Variants in CSMD1 observed in about 807,000 individuals in gnomAD.
CSMD1 encodes the protein CUB and sushi domain-containing protein 1.
In CSMD1, 213 loss-of-function variants were observed where a neutral mutation model predicts 417.5. The ratio of observed to expected loss-of-function variants is 0.51; its 90% CI spans 0.46 to 0.57. The LOEUF is 0.57. Ranked by LOEUF, CSMD1 falls within the 20% of genes least tolerant of loss-of-function variation. The pLI is 0.00. For synonymous variants in CSMD1, 2,862 were observed against 1,736.8 expected (o/e 1.65, Z -16.11); for missense variants, 6,923 against 4,529.7 (o/e 1.53, Z -15.17).
At chr8:4,264,212 CAATT>C (rs537378262) in intron 3 of CSMD1, among the ~76,000 whole-genome samples, 122 of 152,254 alleles carry the variant, frequency 8.0e-4, no homozygotes, top group African/African-American at 2.4e-3. Flanking sequence ...AACGTGACTA[CAATT>C]AATTATTAGA....
rs759144469 is a variant in CSMD1 at position 3,189,957 on chromosome 8, G to A, written c.5353C>T (p.Pro1785Ser). ...GSTALHCQSV[P>S]NALAQWNDTI... is the part of the protein sequence containing the mutation. ...TCGTTCCACTGTGCCAAGGCGTTGG[G>A]CACGGACTGGCAGTGGAGCGCCGTG... The change falls in exon 34 of 70, where the codon CCC becomes TCC. Residue 1785 changes from proline to serine, a missense_variant. Physicochemically the swap from Pro to Ser is moderately conservative, Grantham distance 74. Coordinates refer to ENST00000635120, the MANE Select transcript of CSMD1 (RefSeq NM_033225.6). The A allele has an allele frequency of 5.6e-6, 9 of 1,597,588 alleles. No individual in the cohort carries two copies. Among genetic ancestry groups the A allele is most frequent in the Non-Finnish European group, 6.0e-6 (7 of 1,172,504 alleles).
At chr8:3,260,561 A>C (rs1261042527) in intron 26 of CSMD1, among the ~76,000 whole-genome samples, 1 of 151,950 alleles carries the variant, frequency 6.6e-6, no homozygotes, top group Admixed American at 6.6e-5. Context: ...CAATAACTAC[A>C]GAGAGGGTCC....
intron 41 of CSMD1, among the ~76,000 whole-genome samples, chr8:3,122,333 A>G (rs1417839067): frequency 1.3e-5 from 2 of 152,250 alleles, no homozygotes; most frequent in Admixed American, 6.5e-5. Context: ...TGGTAAAGCT[A>G]CATTATACCA....
intron 21 of CSMD1, among the ~76,000 whole-genome samples, chr8:3,349,172 G>C (rs1328491177): frequency 6.6e-6 from 1 of 152,196 alleles, no homozygotes; most frequent in Non-Finnish European, 1.5e-5. Context: ...TATGTACTGA[G>C]AGCAGGAGAG....
At chr8:3,691,884 C>T (rs118148878) in intron 7 of CSMD1, among the ~76,000 whole-genome samples, 6,669 of 152,250 alleles carry the variant, frequency 0.044, 214 homozygotes, top group Middle Eastern at 0.068. Flanking sequence ...TCTATGACTT[C>T]TATGGCTTCA....
At chr8:3,560,106 C>T (rs1207861147) in intron 10 of CSMD1, among the ~76,000 whole-genome samples, 2 of 152,060 alleles carry the variant, frequency 1.3e-5, no homozygotes, top group African/African-American at 4.8e-5. Flanking sequence ...GATTCCAGGA[C>T]CCATTCGAAC....
chr8:3,986,264 G>T (rs1008099258), intron 5 of CSMD1, among the ~76,000 whole-genome samples: 2 of 152,034 alleles, frequency 1.3e-5, no homozygotes, highest in African/African-American at 4.8e-5. Flanking sequence ...CTGGCTGAGG[G>T]CATCAACATT....
At chr8:4,897,554 T>G (rs565897523) in intron 1 of CSMD1, among the ~76,000 whole-genome samples, 1 of 152,130 alleles carries the variant, frequency 6.6e-6, no homozygotes, top group African/African-American at 2.4e-5. Context: ...TAGTGTTTAA[T>G]AGATTGCAAT....
At chr8:4,412,423 C>G (rs1796700847) in intron 3 of CSMD1, among the ~76,000 whole-genome samples, 1 of 152,170 alleles carries the variant, frequency 6.6e-6, no homozygotes, top group South Asian at 2.1e-4. Flanking sequence ...TGCCTTCTAC[C>G]ATGATTGGAA....
At chr8:3,461,647 G>C (rs1816512653) in intron 12 of CSMD1, among the ~76,000 whole-genome samples, 1 of 152,182 alleles carries the variant, frequency 6.6e-6, no homozygotes. Flanking sequence ...GCATCTTCCA[G>C]ATCCTCATGC....
At position 4,402,445 on chromosome 8, in the gene CSMD1, T is replaced by C. The variant is rs370850430; in HGVS notation, c.415+17508A>G. The stretch of plus-strand genomic sequence containing the variant: ...CCTGCAGCTGAGAGTGACTGGAAGA[T>C]AGCATGGAGCTAAGCTTCCTGGTCT... On this transcript the variant is annotated intron_variant, in intron 3 of 69. Transcript: ENST00000635120. Among the ~76,000 whole-genome samples, 124 of 152,274 alleles carry C rather than the reference T, an allele frequency of 8.1e-4. No homozygotes were observed. In the Middle Eastern group the frequency reaches 0.014, roughly 17 times the overall value.
intron 5 of CSMD1, among the ~76,000 whole-genome samples, chr8:3,766,893 C>T (rs137898322): frequency 4.9e-4 from 75 of 152,208 alleles, no homozygotes; most frequent in Middle Eastern, 6.8e-3. Context: ...GATAGACTGA[C>T]GCAGACCTTG....
At chr8:4,409,622 A>G (rs1025440721) in intron 3 of CSMD1, among the ~76,000 whole-genome samples, 1 of 146,382 alleles carries the variant, frequency 6.8e-6, no homozygotes, top group Non-Finnish European at 1.5e-5. Flanking sequence ...GTATAGATTC[A>G]TCATTATTTG....
At position 4,555,051 on chromosome 8, in the gene CSMD1, C is replaced by T. The variant is rs12541967; in HGVS notation, c.302+82291G>A. Among the ~76,000 whole-genome samples, 298 of 152,248 alleles carry T rather than the reference C, an allele frequency of 2.0e-3. 1 individual carries two copies. The highest frequency in any genetic ancestry group is 6.8e-3 in the Middle Eastern group (2 of 294). On this transcript the variant is annotated intron_variant, in intron 2 of 69. Transcript: ENST00000635120. ...AGAGATGCTGGTAGGAGCCAGCCCA[C>T]GCAATTCCAAGTAGGCCATGGCAGG...
intron 3 of CSMD1, among the ~76,000 whole-genome samples, chr8:4,236,861 G>A (rs559296719): frequency 6.6e-4 from 100 of 152,310 alleles, no homozygotes; most frequent in Non-Finnish European, 1.0e-3. Context: ...TGGAACAGAA[G>A]CATCAGTGAC....
chr8:4,495,439 G>A (rs1262380363), intron 2 of CSMD1, among the ~76,000 whole-genome samples: 1 of 152,050 alleles, frequency 6.6e-6, no homozygotes, highest in Non-Finnish European at 1.5e-5. Flanking sequence ...GCTAGGCCTG[G>A]TGACGTGTGC....
chr8:3,541,287 A>T (rs907853196), intron 10 of CSMD1, among the ~76,000 whole-genome samples: 8 of 152,182 alleles, frequency 5.3e-5, no homozygotes, highest in Non-Finnish European at 5.9e-5. Context: ...CAGAAAACCA[A>T]ATACTGCATG....
intron 49 of CSMD1, among the ~76,000 whole-genome samples, chr8:3,054,132 C>T (rs996954372): frequency 2.0e-5 from 3 of 152,190 alleles, no homozygotes; most frequent in Non-Finnish European, 2.9e-5. Flanking sequence ...CACAGGTTAT[C>T]TCCGGTATTG....
At chr8:4,616,540 G>A (rs993119175) in intron 2 of CSMD1, among the ~76,000 whole-genome samples, 10 of 152,144 alleles carry the variant, frequency 6.6e-5, no homozygotes, top group Non-Finnish European at 4.4e-5. Context: ...ATTCTCTCAT[G>A]CCAGCAATAC....
Sources: gnomAD v4.1 joint callset for allele counts (sites outside exome capture counted in the v4.1 genomes callset) on GRCh38, gnomAD v4.1.1 for gene constraint, MANE v1.5 for transcripts, NCBI Gene and HGNC (gene_info 2026-07-23, HGNC 2026-07-21) for gene names.